ECM2: variants seen among roughly 807,000 people sequenced by gnomAD.
The protein encoded by ECM2 is extracellular matrix protein 2, female organ and adipocyte specific.
In ECM2, 57 loss-of-function variants were observed where a neutral mutation model predicts 67.5. The observed-to-expected ratio is 0.84, with a 90% CI of 0.68 to 1.05. The LOEUF (loss-of-function observed/expected upper bound fraction) is 1.05. Ranked by LOEUF, ECM2 falls within the 50% of genes least tolerant of loss-of-function variation. ECM2 has a pLI of 0.00. For missense variants in ECM2, 741 were observed against 822.8 expected (o/e 0.90, Z 1.22); for synonymous variants, 258 against 294.5 (o/e 0.88, Z 1.27).
Position 92,496,132 on chromosome 9 carries a change from A to G in ECM2, c.*183T>C. On this transcript the variant is annotated 3_prime_UTR_variant, in exon 10 of 10. Coordinates refer to ENST00000344604, the MANE Select transcript of ECM2 (RefSeq NM_001393.4). ...GAGATTTTACCTTTACTATTAATAAAACTCCTAGAGACTATACCTTTTAGG... is the reference window on the plus strand; with the variant it reads ...GAGATTTTACCTTTACTATTAATAAGACTCCTAGAGACTATACCTTTTAGG... The G allele has an allele frequency of 8.0e-7, 1 of 1,243,692 alleles. No individual in the cohort carries two copies. Among genetic ancestry groups the G allele is most frequent in the Non-Finnish European group, 1.0e-6 (1 of 995,684 alleles). The allele number at this position is 1,243,692 out of a possible 1,614,324, so 77.0% of individuals were successfully genotyped here.
the ECM2 span, among the ~76,000 whole-genome samples, chr9:92,552,074 A>G: frequency 0.21 from 21,844 of 106,396 alleles, 5,718 homozygotes; most frequent in African/African-American, 0.5. Context: ...GATATGATAG[A>G]TCTATCATAT....
the ECM2 span, among the ~76,000 whole-genome samples, chr9:92,544,349 G>A: frequency 2.6e-5 from 4 of 152,168 alleles, no homozygotes; most frequent in African/African-American, 9.6e-5. Context: ...GCTGGCACAT[G>A]CCTGTAAACC....
intron 3 of ECM2, chr9:92,517,367 C>A: frequency 1.9e-6 from 1 of 516,182 alleles, no homozygotes; most frequent in Non-Finnish European, 3.4e-6. Context: ...AAAGCAGAGC[C>A]CTTAATGCAA....
chr9:92,505,860 C>T (rs1231450724), intron 6 of ECM2, among the ~76,000 whole-genome samples, 170 bp from the exon 7 acceptor site: 1 of 151,862 alleles, frequency 6.6e-6, no homozygotes, highest in African/African-American at 2.4e-5. Flanking sequence ...TTTGTACATC[C>T]CAGATGCTCA....
chr9:92,520,136 T>C (rs564158339), intron 2 of ECM2, among the ~76,000 whole-genome samples: 3 of 151,050 alleles, frequency 2.0e-5, no homozygotes, highest in African/African-American at 7.4e-5. Flanking sequence ...GTTAAAAAGT[T>C]AGCCAGGTGT....
At chr9:92,496,887 A>G (rs1170363122) in intron 9 of ECM2, among the ~76,000 whole-genome samples, 2 of 152,174 alleles carry the variant, frequency 1.3e-5, no homozygotes, top group Non-Finnish European at 2.9e-5. Flanking sequence ...CATTCAGAAG[A>G]GAAATGTAAA....
chr9:92,533,331 ATATATATATATATAT>A (rs1848971293), intron 1 of ECM2, among the ~76,000 whole-genome samples: 4 of 79,096 alleles, frequency 5.1e-5, no homozygotes, highest in African/African-American at 1.4e-4. Context: ...AAAAAAAAAT[ATATATATATATATAT>A]ATATATATAT....
At chr9:92,495,133 G>C (rs1175938508), downstream of ECM2, among the ~76,000 whole-genome samples, 3 of 152,114 alleles carry the variant, frequency 2.0e-5, no homozygotes, top group East Asian at 5.8e-4. Context: ...TCCTAGAGTG[G>C]TGAAAGAACT....
At chr9:92,494,411 CACTTTAAAATT>C (rs1049982466), downstream of ECM2, among the ~76,000 whole-genome samples, 1 of 152,126 alleles carries the variant, frequency 6.6e-6, no homozygotes, top group Non-Finnish European at 1.5e-5. Flanking sequence ...TCAACCTGGC[CACTTTAAAATT>C]AGTAATGCAC....
At chr9:92,505,405 A>G (rs1846940516) in intron 7 of ECM2, 128 bp downstream of exon 7, 1 of 826,262 alleles carries the variant, frequency 1.2e-6, no homozygotes, top group Non-Finnish European at 1.8e-6. Context: ...CTTAAATTAC[A>G]GGAAATTCTG....
chr9:92,523,079 CT>C (rs80216324), intron 1 of ECM2, among the ~76,000 whole-genome samples, 186 bp from the exon 2 acceptor site: 293 of 144,050 alleles, frequency 2.0e-3, no homozygotes, highest in Admixed American at 2.2e-3. Flanking sequence ...AATCAAAAAA[CT>C]TTTTTTTTTT....
the ECM2 span, among the ~76,000 whole-genome samples, chr9:92,543,027 T>C: frequency 9.2e-5 from 14 of 152,240 alleles, no homozygotes; most frequent in African/African-American, 3.4e-4. Flanking sequence ...CAATTCACTG[T>C]AAATGCATGG....
chr9:92,534,717 A>G (rs1041105153), intron 1 of ECM2, among the ~76,000 whole-genome samples: 2 of 152,242 alleles, frequency 1.3e-5, no homozygotes, highest in Admixed American at 1.3e-4. Context: ...CAACAACAGC[A>G]GGGGAAAGCA....
intron 4 of ECM2, among the ~76,000 whole-genome samples, chr9:92,513,858 A>T (rs1018586340): frequency 6.6e-6 from 1 of 152,206 alleles, no homozygotes; most frequent in African/African-American, 2.4e-5. Flanking sequence ...GACTATGTGC[A>T]TTTGTCAAAA....
the ECM2 span, among the ~76,000 whole-genome samples, chr9:92,557,204 G>C: frequency 1.1e-4 from 16 of 152,152 alleles, no homozygotes; most frequent in Non-Finnish European, 2.2e-4. Context: ...TAATCTGATA[G>C]GTTTTCCTTT....
chr9:92,513,320 C>T (rs1209154028), intron 4 of ECM2, among the ~76,000 whole-genome samples: 1 of 152,168 alleles, frequency 6.6e-6, no homozygotes, highest in Non-Finnish European at 1.5e-5. Context: ...CAAGTGCGGG[C>T]AGGCTGCAGA....
chr9:92,493,980 G>T, downstream of ECM2: 1 of 1,121,372 alleles, frequency 8.9e-7, no homozygotes. Context: ...GTAGTCTCCT[G>T]GCGGCCCTCA....
At position 92,500,776 on chromosome 9, in the gene ECM2, G is replaced by T. The variant is rs140976209; in HGVS notation, c.1882C>A (p.Gln628Lys). The T allele has an allele frequency of 2.1e-4, 345 of 1,613,904 alleles. No homozygotes were observed. Among genetic ancestry groups the T allele is most frequent in the Non-Finnish European group, 2.7e-4 (323 of 1,179,954 alleles). ...NDLKSIPPGI[Q>K]EMKALHFLRL... ...AGAAAATGTAGTGCTTTCATTTCTT[G>T]TATCCCAGGTGGTATAGATTTTAAG... The change falls in exon 9 of 10, where the codon CAA becomes AAA. Residue 628 changes from glutamine (Q) to lysine (K), a missense_variant. Transcript: ENST00000344604.
At chr9:92,514,274 CTTTT>C (rs1044226766) in intron 4 of ECM2, among the ~76,000 whole-genome samples, 1 of 130,742 alleles carries the variant, frequency 7.6e-6, no homozygotes, top group Non-Finnish European at 1.7e-5. Flanking sequence ...GAGTCATTTA[CTTTT>C]TTTTTTTTTT....
Sources: gnomAD v4.1 joint callset for allele counts (sites outside exome capture counted in the v4.1 genomes callset) on GRCh38, gnomAD v4.1.1 for gene constraint, MANE v1.5 for transcripts, NCBI Gene and HGNC (gene_info 2026-07-23, HGNC 2026-07-21) for gene names.